ELP4: variants seen among roughly 807,000 people sequenced by gnomAD.
ELP4 encodes the protein elongator complex protein 4.
In ELP4, 51 loss-of-function variants were observed where a neutral mutation model predicts 48.9. That is an observed-to-expected ratio of 1.04 (90% CI 0.83 to 1.32). The LOEUF is 1.32. Ranked by LOEUF, ELP4 falls within the 40% of genes most tolerant of loss-of-function variation. ELP4 has a pLI of 0.00. For missense variants in ELP4, 519 were observed against 514.6 expected (o/e 1.01, Z -0.08); for synonymous variants, 210 against 189.2 (o/e 1.11, Z -0.90).
At chr11:31,532,062 G>A (rs903728962) in intron 2 of ELP4, among the ~76,000 whole-genome samples, 1 of 152,160 alleles carries the variant, frequency 6.6e-6, no homozygotes, top group African/African-American at 2.4e-5. Context: ...ACTGATTTAA[G>A]TATTTAAATC....
At chr11:31,581,927 A>AT (rs1300788996) in intron 3 of ELP4, among the ~76,000 whole-genome samples, 1 of 151,666 alleles carries the variant, frequency 6.6e-6, no homozygotes, top group African/African-American at 2.4e-5. Context: ...TAATTCTTTT[A>AT]TTTTTTTGTA....
chr11:31,699,729 A>G (rs559091176), intron 9 of ELP4, among the ~76,000 whole-genome samples: 19 of 152,278 alleles, frequency 1.2e-4, no homozygotes, highest in African/African-American at 4.3e-4. Flanking sequence ...TCTGAACAAT[A>G]TGACCAGATG....
chr11:31,687,822 T>G (rs1483289074), intron 9 of ELP4: 1 of 152,228 alleles, frequency 6.6e-6, no homozygotes, highest in Non-Finnish European at 1.5e-5. Context: ...TTTCTATAAT[T>G]AATCATTCTA....
At chr11:31,624,752 ATT>A (rs1237836306) in intron 5 of ELP4, among the ~76,000 whole-genome samples, 1 of 151,702 alleles carries the variant, frequency 6.6e-6, no homozygotes, top group Non-Finnish European at 1.5e-5. Flanking sequence ...CTACTAAAAT[ATT>A]GTTTCTTTAT....
Position 31,787,501 on chromosome 11 carries a change from A to T in ELP4, c.*3977A>T, listed in dbSNP as rs953922475. 2.1e-5 allele frequency: 5 copies of T among 233,046 alleles called. No homozygotes were observed. The South Asian group carries it at 9.1e-4, about 42-fold the overall frequency. 14.4% of individuals were successfully genotyped at this position (233,046 alleles called of 1,614,324 possible). A position where few individuals can be genotyped will look rare whatever the true frequency, so the allele number is the denominator to read the frequency against. On this transcript the variant is annotated 3_prime_UTR_variant, in exon 10 of 10. Transcript: ENST00000640961. ...AAGTAAGCCAGCCAGCAGCTGTGGC[A>T]TGCACTCCCACATAGCCCTTCTCTG...
Position 31,786,090 on chromosome 11 carries a change from C to CA in ELP4, c.*2567dup, listed in dbSNP as rs1424164980. ...TTTTGAATTTCCTTTTAGTAGCCAC[C>CA]ATACAATATCTACTTTTCTCTTCCA... On this transcript the variant is annotated 3_prime_UTR_variant, in exon 10 of 10. Transcript: ENST00000640961. 5.0e-6 allele frequency: 1 copy of CA among 201,230 alleles called. No individual in the cohort carries two copies. The highest frequency in any genetic ancestry group is 1.0e-5 in the Non-Finnish European group (1 of 97,874). The allele number at this position is 201,230 out of a possible 1,614,324, so 12.5% of individuals were successfully genotyped here.
chr11:31,556,704 G>C (rs372223303), intron 3 of ELP4, among the ~76,000 whole-genome samples: 1 of 151,942 alleles, frequency 6.6e-6, no homozygotes, highest in South Asian at 2.1e-4. Flanking sequence ...CTAAGATCGA[G>C]AGCAAAACAT....
At chr11:31,546,461 A>T (rs933495783) in intron 3 of ELP4, among the ~76,000 whole-genome samples, 1 of 152,178 alleles carries the variant, frequency 6.6e-6, no homozygotes, top group Non-Finnish European at 1.5e-5. Flanking sequence ...TGCACCCAAT[A>T]CAGGAGCACC....
chr11:31,545,646 A>G (rs2133917090), intron 3 of ELP4, among the ~76,000 whole-genome samples: 1 of 152,074 alleles, frequency 6.6e-6, no homozygotes, highest in South Asian at 2.1e-4. Flanking sequence ...CCACAAAGAT[A>G]CTCCTCGAGA....
chr11:31,628,199 C>T (rs1425150830), intron 6 of ELP4: 1 of 151,902 alleles, frequency 6.6e-6, no homozygotes, highest in Non-Finnish European at 1.5e-5. Context: ...TTTGGCCCTA[C>T]CTAAGATTTA....
chr11:31,597,336 AAGTTGTTAC>A (rs906961659), intron 4 of ELP4, among the ~76,000 whole-genome samples: 6 of 152,214 alleles, frequency 3.9e-5, no homozygotes, highest in African/African-American at 1.4e-4. Flanking sequence ...GTGTAATCAG[AAGTTGTTAC>A]AGATATAGCC....
chr11:31,628,463 A>T (rs1020256856), intron 6 of ELP4: 22 of 152,154 alleles, frequency 1.4e-4, no homozygotes, highest in African/African-American at 5.3e-4. Flanking sequence ...ACACACACAC[A>T]CACACAGATA....
intron 9 of ELP4, among the ~76,000 whole-genome samples, chr11:31,718,500 G>A (rs1009141990): frequency 1.3e-5 from 2 of 152,188 alleles, no homozygotes; most frequent in Admixed American, 1.3e-4. Flanking sequence ...CAGCAGGCAT[G>A]CTTGTTGGAT....
intron 9 of ELP4, among the ~76,000 whole-genome samples, chr11:31,762,925 A>G (rs575762576): frequency 6.6e-6 from 1 of 152,008 alleles, no homozygotes; most frequent in South Asian, 2.1e-4. Flanking sequence ...AATATTATAT[A>G]TAGGAAAGTA....
intron 9 of ELP4, among the ~76,000 whole-genome samples, chr11:31,668,341 G>A (rs1468023798): frequency 6.6e-6 from 1 of 152,010 alleles, no homozygotes; most frequent in African/African-American, 2.4e-5. Context: ...ATCACATGAG[G>A]CAAAATTATT....
At chr11:31,759,926 C>G (rs1251406888) in intron 9 of ELP4, among the ~76,000 whole-genome samples, 1 of 152,096 alleles carries the variant, frequency 6.6e-6, no homozygotes, top group Admixed American at 6.5e-5. Context: ...TAGTCTTGAA[C>G]TCCTGACCTC....
intron 2 of ELP4, among the ~76,000 whole-genome samples, chr11:31,529,779 T>C (rs894795536): frequency 5.3e-5 from 8 of 152,098 alleles, no homozygotes; most frequent in African/African-American, 1.9e-4. Flanking sequence ...AAAGAGAGAC[T>C]GAGGATGAAT....
At chr11:31,510,617 T>C (rs1255299937) in intron 1 of ELP4, 1 of 378,236 alleles carries the variant, frequency 2.6e-6, no homozygotes, top group African/African-American at 2.1e-5. Flanking sequence ...AATCTGTGTA[T>C]ATATTTTTTA....
At chr11:31,518,952 T>TAA (rs1956165348) in intron 1 of ELP4, among the ~76,000 whole-genome samples, 2 of 151,144 alleles carry the variant, frequency 1.3e-5, no homozygotes, top group Admixed American at 6.6e-5. Flanking sequence ...GCTGGGATTA[T>TAA]AGGCATGCAC....
Sources: gnomAD v4.1 joint callset for allele counts (sites outside exome capture counted in the v4.1 genomes callset) on GRCh38, gnomAD v4.1.1 for gene constraint, MANE v1.5 for transcripts, NCBI Gene and HGNC (gene_info 2026-07-23, HGNC 2026-07-21) for gene names.